Variants in GALNTL6 observed in about 807,000 individuals in gnomAD.
The protein encoded by GALNTL6 is polypeptide N-acetylgalactosaminyltransferase-like 6.
Under a neutral mutation model 73.7 loss-of-function variants are expected in GALNTL6, and 46 were observed. The ratio of observed to expected loss-of-function variants is 0.62; its 90% CI spans 0.49 to 0.80. The LOEUF (loss-of-function observed/expected upper bound fraction) is 0.80, where lower values mean the gene tolerates loss of function less well. Among genes scored for constraint, GALNTL6 ranks in the 30% least tolerant of loss-of-function variants. The pLI is 0.00. For missense variants in GALNTL6, 604 were observed against 755.0 expected (o/e 0.80, Z 2.34); for synonymous variants, 259 against 263.7 (o/e 0.98, Z 0.17).
In GALNTL6 at chr4:172,069,488, C is replaced by CATATATGTTATATGTATGACACAT. The variant is rs34495647; in HGVS notation, c.139-160164_139-160163insATGTTATATGTATGACACATATAT. 1.4e-4 allele frequency among the ~76,000 whole-genome samples: 10 copies of CATATATGTTATATGTATGACACAT among 69,204 alleles called. 3 individuals are homozygous for CATATATGTTATATGTATGACACAT. Among genetic ancestry groups the CATATATGTTATATGTATGACACAT allele is most frequent in the African/African-American group, 4.6e-4 (8 of 17,566 alleles). 45.4% of individuals were successfully genotyped at this position (69,204 alleles called of 152,430 possible). On this transcript the variant is annotated intron_variant, in intron 2 of 12. Coordinates refer to ENST00000506823, the MANE Select transcript of GALNTL6 (RefSeq NM_001034845.3). ...TATAACATATATGTTATATATAACA[C>CATATATGTTATATGTATGACACAT]ATATGTTATATGTATAACACATATA...
intron 5 of GALNTL6, among the ~76,000 whole-genome samples, chr4:172,384,170 CTGG>C (rs1312582899): frequency 6.6e-6 from 1 of 152,050 alleles, no homozygotes; most frequent in Non-Finnish European, 1.5e-5. Flanking sequence ...TTGTTAAAAA[CTGG>C]TATTAATTAA....
At chr4:172,845,287 A>G (rs1202325057) in intron 7 of GALNTL6, among the ~76,000 whole-genome samples, 1 of 152,142 alleles carries the variant, frequency 6.6e-6, no homozygotes, top group Admixed American at 6.6e-5. Flanking sequence ...TACTCATGAG[A>G]ATCAATTGCG....
At chr4:173,012,360 T>C (rs1752593527) in intron 11 of GALNTL6, among the ~76,000 whole-genome samples, 1 of 152,118 alleles carries the variant, frequency 6.6e-6, no homozygotes, top group Non-Finnish European at 1.5e-5. Context: ...CTCCCTGCCC[T>C]CTACCACGCA....
chr4:172,253,267 G>A (rs1737945854), intron 3 of GALNTL6, among the ~76,000 whole-genome samples: 1 of 151,948 alleles, frequency 6.6e-6, no homozygotes, highest in Non-Finnish European at 1.5e-5. Context: ...TTCAGAGAAA[G>A]CATTCCAGTG....
intron 10 of GALNTL6, among the ~76,000 whole-genome samples, chr4:172,965,188 G>T (rs556542771): frequency 6.6e-6 from 1 of 152,288 alleles, no homozygotes; most frequent in Admixed American, 6.5e-5. Flanking sequence ...TGGGAAAAAT[G>T]TAAGAACACA....
At chr4:172,069,488 C>CATATAACAT (rs34495647) in intron 2 of GALNTL6, among the ~76,000 whole-genome samples, 1 of 69,206 alleles carries the variant, frequency 1.4e-5, no homozygotes, top group East Asian at 2.9e-4. Context: ...ATATATAACA[C>CATATAACAT]ATATGTTATA....
At chr4:172,221,058 A>G (rs1377284694) in intron 2 of GALNTL6, among the ~76,000 whole-genome samples, 1 of 151,852 alleles carries the variant, frequency 6.6e-6, no homozygotes, top group African/African-American at 2.4e-5. Flanking sequence ...TTGTACTATC[A>G]AGCTGTCTAT....
intron 2 of GALNTL6, among the ~76,000 whole-genome samples, chr4:172,220,266 A>G (rs1395736030): frequency 6.6e-6 from 1 of 151,770 alleles, no homozygotes; most frequent in Non-Finnish European, 1.5e-5. Flanking sequence ...TGCCAGACAC[A>G]TATTAGGTAC....
chr4:171,942,929 C>T (rs1738594791), intron 2 of GALNTL6, among the ~76,000 whole-genome samples: 2 of 152,264 alleles, frequency 1.3e-5, no homozygotes, highest in South Asian at 4.1e-4. Context: ...GCCCTCAAAA[C>T]CAATATTCAT....
chr4:172,141,210 GT>G (rs1733790114), intron 2 of GALNTL6, among the ~76,000 whole-genome samples: 1 of 151,996 alleles, frequency 6.6e-6, no homozygotes, highest in Non-Finnish European at 1.5e-5. Flanking sequence ...GATAGTAAGT[GT>G]TTAAGTGTCA....
intron 9 of GALNTL6, 37 bp downstream of exon 9, chr4:172,931,305 A>G (rs1433610183): frequency 1.6e-6 from 2 of 1,239,514 alleles, no homozygotes; most frequent in Non-Finnish European, 2.4e-6. Flanking sequence ...TGGGGTTGAT[A>G]TGGCTTTCTG....
At chr4:172,141,913 C>CCA (rs1210639071) in intron 2 of GALNTL6, among the ~76,000 whole-genome samples, 3 of 102,578 alleles carry the variant, frequency 2.9e-5, no homozygotes, top group Non-Finnish European at 6.4e-5. Flanking sequence ...ACACACACAC[C>CCA]CCCCACACTC....
chr4:171,814,154 T>C (rs1734458744), intron 1 of GALNTL6, among the ~76,000 whole-genome samples, 164 bp downstream of exon 1: 1 of 151,962 alleles, frequency 6.6e-6, no homozygotes, highest in Non-Finnish European at 1.5e-5. Flanking sequence ...GACCCAGCCC[T>C]CCCACACTAA....
intron 5 of GALNTL6, among the ~76,000 whole-genome samples, chr4:172,593,058 G>T (rs1209766402): frequency 6.6e-6 from 1 of 151,604 alleles, no homozygotes; most frequent in African/African-American, 2.4e-5. Context: ...GTACTAAATT[G>T]GAAAAAAGAC....
intron 2 of GALNTL6, among the ~76,000 whole-genome samples, chr4:171,828,651 C>T (rs958139003): frequency 6.6e-6 from 1 of 152,032 alleles, no homozygotes; most frequent in South Asian, 2.1e-4. Context: ...ATGGAGTCTC[C>T]CTCCATCGCC....
At chr4:172,333,359 C>T (rs1382624111) in intron 4 of GALNTL6, among the ~76,000 whole-genome samples, 4 of 152,088 alleles carry the variant, frequency 2.6e-5, no homozygotes, top group East Asian at 3.9e-4. Flanking sequence ...GAGCCGAGAT[C>T]GTGCAATTGC....
At chr4:172,565,159 A>G (rs1364685107) in intron 5 of GALNTL6, among the ~76,000 whole-genome samples, 2 of 152,188 alleles carry the variant, frequency 1.3e-5, no homozygotes, top group African/African-American at 4.8e-5. Flanking sequence ...ATGAAGGCAA[A>G]GATCTCAAAA....
chr4:172,470,918 T>A (rs1733022569), intron 5 of GALNTL6, among the ~76,000 whole-genome samples: 1 of 151,992 alleles, frequency 6.6e-6, no homozygotes, highest in Admixed American at 6.6e-5. Flanking sequence ...CTCAAGTCCA[T>A]CCCCCCAACA....
In GALNTL6 at chr4:172,877,325, T is replaced by C. The variant is rs12331211; in HGVS notation, c.924-5465T>C. On this transcript the variant is annotated intron_variant, in intron 7 of 12. Transcript: ENST00000506823. ...TAATTAAACTCCACCTTTTTTTTCA[T>C]TTATGGCATAAAGAGTCAATATGTG... 8.8e-3 allele frequency among the ~76,000 whole-genome samples: 1,340 copies of C among 152,142 alleles called. 25 individuals are homozygous for C. Among genetic ancestry groups the C allele is most frequent in the African/African-American group, 0.03 (1,240 of 41,530 alleles).
Sources: gnomAD v4.1 joint callset for allele counts (sites outside exome capture counted in the v4.1 genomes callset) on GRCh38, gnomAD v4.1.1 for gene constraint, MANE v1.5 for transcripts, NCBI Gene and HGNC (gene_info 2026-07-23, HGNC 2026-07-21) for gene names.